MAST1: variants seen among roughly 807,000 people sequenced by gnomAD.
The protein encoded by MAST1 is microtubule-associated serine/threonine-protein kinase 1.
MAST1 carries 40 observed loss-of-function variants against 124.6 expected under a neutral mutation model. That is an observed-to-expected ratio of 0.32 (90% confidence interval 0.25 to 0.42). The LOEUF is 0.42. Among genes scored for constraint, MAST1 ranks in the 10% least tolerant of loss-of-function variants. The pLI is 1.00. For missense variants in MAST1, 1,558 were observed against 2,181.9 expected, an observed-to-expected ratio of 0.71 and a Z score of 5.70; for synonymous variants, 938 against 939.4, an observed-to-expected ratio of 1.00 and a Z score of 0.03.
intron 3 of MAST1, among the ~76,000 whole-genome samples, chr19:12,842,896 A>G (rs1969849576): frequency 1.3e-5 from 2 of 152,236 alleles, no homozygotes; most frequent in African/African-American, 4.8e-5. Flanking sequence ...GTGATTGTGC[A>G]TTAGTGTGTG....
intron 4 of MAST1, among the ~76,000 whole-genome samples, chr19:12,845,695 G>A (rs185974304): frequency 1.4e-3 from 191 of 136,892 alleles, no homozygotes; most frequent in Non-Finnish European, 9.9e-4. Flanking sequence ...TCACTCTGTC[G>A]CCCAGGCCTG....
At position 12,873,313 on chromosome 19, in the gene MAST1, C is replaced by G. The variant is rs1320328608; in HGVS notation, c.3264-11C>G. 4 of 1,610,480 alleles carry G rather than the reference C, an allele frequency of 2.5e-6. No individual in the cohort carries two copies. Among genetic ancestry groups the G allele is most frequent in the Non-Finnish European group, 3.4e-6 (4 of 1,177,426 alleles). On this transcript the variant is annotated splice_polypyrimidine_tract_variant and intron_variant, in intron 24 of 25. Coordinates refer to ENST00000251472, the MANE Select transcript of MAST1 (RefSeq NM_014975.3). ...AGGTCAAGGACGCTTGGCCCCCTCC[C>G]TGTCCCGCAGCAAGAAGCGCAGCTC...
At chr19:12,860,770 G>A (rs572098754) in intron 12 of MAST1, among the ~76,000 whole-genome samples, 8 of 152,030 alleles carry the variant, frequency 5.3e-5, no homozygotes, top group African/African-American at 1.7e-4. Flanking sequence ...TAATCCATCC[G>A]TGCATGTATT....
Position 12,869,237 on chromosome 19 carries a change from G to A in MAST1, c.2945G>A (p.Arg982His), listed in dbSNP as rs1300800199. The A allele has an allele frequency of 1.2e-6, 2 of 1,614,020 alleles. No homozygotes were observed. The highest frequency in any genetic ancestry group is 1.3e-5 in the African/African-American group (1 of 74,898). ...RSGKKYGFTLRAIRVYMGDTD... is the reference protein window; with the variant it reads ...RSGKKYGFTLHAIRVYMGDTD... The stretch of plus-strand genomic sequence containing the variant: ...GGCAAGAAGTATGGCTTCACACTGC[G>A]TGCCATCCGTGTCTACATGGGTGAC... The change falls in exon 22 of 26, where the codon CGT (arginine) becomes CAT (histidine). Residue 982 changes from arginine to histidine, a missense_variant. Arg to His is a conservative substitution (Grantham distance 29). Around this residue, in one of 10 missense-constraint regions of MAST1, gnomAD observed 291 missense variants for 475.8 expected, o/e 0.61. Coordinates refer to ENST00000251472, the MANE Select transcript of MAST1 (RefSeq NM_014975.3).
In MAST1 at chr19:12,871,072, G is replaced by A. The variant is rs773630027; in HGVS notation, c.3163G>A (p.Glu1055Lys). 6.8e-6 allele frequency: 11 copies of A among 1,614,126 alleles called. No individual in the cohort carries two copies. The highest frequency in any genetic ancestry group is 2.2e-5 in the East Asian group (1 of 44,876). ...NKVAVTTTPF[E>K]NTSIRIGPAR... ...GGTAGCAGTGACCACAACGCCCTTC[G>A]AAAATACCTCTATCCGCATTGGTCC... Residue 1055 changes from glutamate (E) to lysine (K), a missense_variant, in exon 24 of 26, where the codon GAA (glutamate) becomes AAA (lysine). Physicochemically the swap from Glu to Lys is moderately conservative, Grantham distance 56. Around this residue, in one of 10 missense-constraint regions of MAST1, gnomAD observed 291 missense variants for 475.8 expected, o/e 0.61. Coordinates refer to ENST00000251472, the MANE Select transcript of MAST1 (RefSeq NM_014975.3).
At chr19:12,858,259 CTCTT>C (rs765062520) in intron 10 of MAST1, 99 bp from the exon 11 acceptor site, 22 of 996,246 alleles carry the variant, frequency 2.2e-5, no homozygotes, top group Non-Finnish European at 3.0e-5. Flanking sequence ...GGATGAAGGA[CTCTT>C]TCATTCTGTG....
chr19:12,872,981 G>A (rs1014176579), intron 24 of MAST1, among the ~76,000 whole-genome samples: 1 of 152,150 alleles, frequency 6.6e-6, no homozygotes, highest in Non-Finnish European at 1.5e-5. Flanking sequence ...AGTTGGGCGG[G>A]GCCTGAAGTA....
chr19:12,868,955 C>T, intron 21 of MAST1, 106 bp downstream of exon 21: 1 of 1,534,448 alleles, frequency 6.5e-7, no homozygotes, highest in Non-Finnish European at 8.9e-7. Flanking sequence ...TGGCTCCAGG[C>T]TGGACCAATG....
intron 9 of MAST1, 29 bp from the exon 10 acceptor site, chr19:12,852,299 G>A: frequency 6.2e-7 from 1 of 1,614,168 alleles, no homozygotes. Flanking sequence ...CCAGAACCCA[G>A]CTCGTGCTCA....
chr19:12,868,076 C>G, intron 20 of MAST1, 99 bp downstream of exon 20: 2 of 1,127,154 alleles, frequency 1.8e-6, no homozygotes, highest in Non-Finnish European at 2.4e-6. Flanking sequence ...TGAAAGATCT[C>G]AGGTCCTATT....
In MAST1 at chr19:12,874,695, C is replaced by G. The variant is rs759181407; in HGVS notation, c.4538C>G (p.Ala1513Gly). The G allele has an allele frequency of 1.3e-6, 2 of 1,569,670 alleles. No homozygotes were observed. The highest frequency in any genetic ancestry group is 1.7e-6 in the Non-Finnish European group (2 of 1,152,170). ...LSPEPQTPSL[A>G]PAKCSAPSSA... is the part of the protein sequence containing the mutation. ...CCGGAGCCCCAGACACCCTCCCTAGCCCCAGCGAAGTGCAGTGCACCCAGC... is the reference window on the plus strand; with the variant it reads ...CCGGAGCCCCAGACACCCTCCCTAGGCCCAGCGAAGTGCAGTGCACCCAGC... The change falls in exon 26 of 26, where the codon GCC becomes GGC. Residue 1513 changes from alanine (A) to glycine (G), a missense_variant. Ala to Gly is a moderately conservative substitution (Grantham distance 60, BLOSUM62 0). Around this residue, in one of 10 missense-constraint regions of MAST1, gnomAD observed 168 missense variants for 154.3 expected, o/e 1.09. Transcript: ENST00000251472. The surrounding 1 kb of genome is among the most constrained non-coding windows in gnomAD (Gnocchi z 6.6).
At chr19:12,839,154 A>AC (rs76230179) in intron 1 of MAST1, among the ~76,000 whole-genome samples, 1,606 of 142,820 alleles carry the variant, frequency 0.011, 17 homozygotes, top group African/African-American at 0.021. Context: ...TCATAACACA[A>AC]CCCCCCCCCC....
At position 12,865,948 on chromosome 19, in the gene MAST1, A is replaced by T; in HGVS notation, c.1907-32A>T. 6.2e-7 allele frequency: 1 copy of T among 1,612,692 alleles called. No homozygotes were observed. Among genetic ancestry groups the T allele is most frequent in the South Asian group, 1.1e-5 (1 of 91,032 alleles). On this transcript the variant is annotated intron_variant, in intron 16 of 25. Transcript: ENST00000251472. This position sits in a 1 kb window ranked among gnomAD's most constrained non-coding sequence, Gnocchi z 7.1. ...GCGGGGCTGGGCTGCTGGGTTGGCCATCAGCTGTGGCTGGAATCCCTTCCG... is the reference window on the plus strand; with the variant it reads ...GCGGGGCTGGGCTGCTGGGTTGGCCTTCAGCTGTGGCTGGAATCCCTTCCG...
chr19:12,866,210 A>G lies in MAST1; in HGVS notation c.2029+108A>G. The G allele has an allele frequency of 1.1e-6, 1 of 950,702 alleles. No homozygotes were observed. Among genetic ancestry groups the G allele is most frequent in the African/African-American group, 1.8e-5 (1 of 54,684 alleles). 58.9% of individuals were successfully genotyped at this position (950,702 alleles called of 1,614,324 possible). ...GGGCCTGGCTAAGTACCAAGATGTG[A>G]TGCCTAGGTGCGAAGGTGGTATTTT... On this transcript the variant is annotated intron_variant, in intron 17 of 25. Coordinates refer to ENST00000251472, the MANE Select transcript of MAST1 (RefSeq NM_014975.3). The surrounding 1 kb of genome is among the most constrained non-coding windows in gnomAD (Gnocchi z 5.2).
Position 12,867,821 on chromosome 19 carries a change from C to T in MAST1, c.2410C>T (p.Pro804Ser), listed in dbSNP as rs1324364675. ...ARRRFSALLE[P>S]SRFSAPQEDE... The stretch of plus-strand genomic sequence containing the variant: ...CCGCCGTTTCTCGGCGCTGCTGGAG[C>T]CCAGCCGCTTCAGCGCCCCCCAAGA... Residue 804 changes from proline (P) to serine (S), a missense_variant, in exon 20 of 26, where the codon CCC becomes TCC. Around this residue, in one of 10 missense-constraint regions of MAST1, gnomAD observed 287 missense variants for 308.0 expected, o/e 0.93. Coordinates refer to ENST00000251472, the MANE Select transcript of MAST1 (RefSeq NM_014975.3). The T allele has an allele frequency of 1.0e-5, 16 of 1,591,884 alleles. No individual in the cohort carries two copies. The Admixed American group carries it at 2.7e-4, about 27-fold the overall frequency.
intron 7 of MAST1, among the ~76,000 whole-genome samples, chr19:12,851,244 G>C (rs112866898): frequency 0.017 from 2,555 of 149,618 alleles, 87 homozygotes; most frequent in African/African-American, 0.06. Context: ...CACTGTGCCC[G>C]GCCTCTTTTT....
At position 12,847,313 on chromosome 19, in the gene MAST1, C is replaced by A; in HGVS notation, c.351C>A (p.Arg117=). ...TVSSSCSSQE[R]LHQLPYQPTV... The stretch of plus-strand genomic sequence containing the variant: ...AGTCCTCCTGCTCCTCCCAGGAGCG[C>A]CTTCACCAGCTGCCCTACCAGCCCA... Residue 117 remains arginine, a synonymous_variant, in exon 5 of 26, where the codon CGC becomes CGA. Coordinates refer to ENST00000251472, the MANE Select transcript of MAST1 (RefSeq NM_014975.3). The surrounding 1 kb of genome is among the most constrained non-coding windows in gnomAD (Gnocchi z 5.5). 2 of 1,613,848 alleles carry A rather than the reference C, an allele frequency of 1.2e-6. No homozygotes were observed. Among genetic ancestry groups the A allele is most frequent in the Non-Finnish European group, 1.7e-6 (2 of 1,179,970 alleles).
In MAST1 at chr19:12,847,244, G is replaced by A. The variant is rs764797155; in HGVS notation, c.328-46G>A. On this transcript the variant is annotated intron_variant, in intron 4 of 25. Coordinates refer to ENST00000251472, the MANE Select transcript of MAST1 (RefSeq NM_014975.3). This position sits in a 1 kb window ranked among gnomAD's most constrained non-coding sequence, Gnocchi z 5.5. The stretch of plus-strand genomic sequence containing the variant: ...TCCCAGCTCAGGGTCCTGAGCTGTT[G>A]GGGGGCCCATGGTGGCTCTGACCCC... 2.9e-6 allele frequency: 4 copies of A among 1,370,462 alleles called. No homozygotes were observed. The Admixed American group carries it at 5.4e-5, about 18-fold the overall frequency. 84.9% of individuals were successfully genotyped at this position (1,370,462 alleles called of 1,614,324 possible).
At position 12,852,677 on chromosome 19, in the gene MAST1, TAA is replaced by T. The variant is rs35930918; in HGVS notation, c.1077+295_1077+296del. ...AACATGGAGAAACCCCGTTTCTACTTAAAAAAAAAAAAAATGCAAAAATTAGC... is the reference window on the plus strand; with the variant it reads ...AACATGGAGAAACCCCGTTTCTACTTAAAAAAAAAAAATGCAAAAATTAGC... On this transcript the variant is annotated intron_variant, in intron 10 of 25. Coordinates refer to ENST00000251472, the MANE Select transcript of MAST1 (RefSeq NM_014975.3). 7.4e-4 allele frequency among the ~76,000 whole-genome samples: 107 copies of T among 144,496 alleles called. 1 individual carries two copies. The highest frequency in any genetic ancestry group is 3.7e-3 in the South Asian group (17 of 4,568). 94.8% of individuals were successfully genotyped at this position (144,496 alleles called of 152,430 possible). A position where few individuals can be genotyped will look rare whatever the true frequency, so the allele number is the denominator to read the frequency against.
Sources: allele counts gnomAD v4.1 joint callset (sites outside exome capture counted in the v4.1 genomes callset), GRCh38; gene constraint gnomAD v4.1.1; regional missense constraint gnomAD v4.1.1; non-coding constraint Gnocchi (gnomAD v3.1); transcripts MANE v1.5; gene names NCBI Gene and HGNC (gene_info 2026-07-23, HGNC 2026-07-21).